Variants in ZMAT4 observed in about 807,000 individuals in gnomAD.
ZMAT4 encodes the protein zinc finger matrin-type 4.
A neutral mutation model predicts 28.7 loss-of-function variants in ZMAT4; 17 were observed. That is an observed-to-expected ratio of 0.59 (90% CI 0.41 to 0.89). The LOEUF (loss-of-function observed/expected upper bound fraction) is 0.89, where lower values mean the gene tolerates loss of function less well. ZMAT4 is among the 40% of genes least tolerant of loss of function. The pLI is 0.00. For synonymous variants in ZMAT4, 117 were observed against 109.2 expected, an observed-to-expected ratio of 1.07 and a Z score of -0.44; for missense variants, 240 against 283.8, an observed-to-expected ratio of 0.85 and a Z score of 1.11.
chr8:40,759,441 T>C (rs1394351658), intron 3 of ZMAT4, among the ~76,000 whole-genome samples: 8 of 152,198 alleles, frequency 5.3e-5, no homozygotes, highest in Non-Finnish European at 1.5e-5. Flanking sequence ...CCCTCATGAA[T>C]GGGATTAGTA....
intron 6 of ZMAT4, among the ~76,000 whole-genome samples, chr8:40,555,357 G>T (rs978669811): frequency 6.6e-6 from 1 of 152,102 alleles, no homozygotes; most frequent in South Asian, 2.1e-4. Context: ...TAGATCATAT[G>T]GTAGTTCTAT....
chr8:40,697,111 C>T (rs932360629), intron 4 of ZMAT4, 134 bp downstream of exon 4: 3 of 1,064,652 alleles, frequency 2.8e-6, no homozygotes, highest in African/African-American at 3.2e-5. Context: ...AGCCACTCAT[C>T]CCTTTAGGCT....
chr8:40,664,480 T>C (rs1485785924), intron 5 of ZMAT4, among the ~76,000 whole-genome samples: 1 of 152,194 alleles, frequency 6.6e-6, no homozygotes, highest in Non-Finnish European at 1.5e-5. Flanking sequence ...ATGCTTCCAA[T>C]ACCCCATTAT....
chr8:40,874,581 C>A (rs976749493), intron 1 of ZMAT4, among the ~76,000 whole-genome samples: 1 of 152,192 alleles, frequency 6.6e-6, no homozygotes, highest in African/African-American at 2.4e-5. Context: ...CCTTGCTTCC[C>A]CTTCTCTCTC....
intron 2 of ZMAT4, among the ~76,000 whole-genome samples, chr8:40,793,029 T>C (rs1445161749): frequency 1.3e-5 from 2 of 151,998 alleles, no homozygotes; most frequent in African/African-American, 4.8e-5. Flanking sequence ...TGGATACATA[T>C]TATGTACTTG....
chr8:40,629,713 A>C (rs1000339828), intron 5 of ZMAT4, among the ~76,000 whole-genome samples: 10 of 151,976 alleles, frequency 6.6e-5, no homozygotes, highest in Admixed American at 2.0e-4. Flanking sequence ...AGTTTCATCC[A>C]TGTCCCTACA....
At chr8:40,541,136 A>G (rs1249805236) in intron 6 of ZMAT4, among the ~76,000 whole-genome samples, 1 of 152,216 alleles carries the variant, frequency 6.6e-6, no homozygotes, top group Non-Finnish European at 1.5e-5. Context: ...CCTGGTACAT[A>G]TGGAGCAACA....
chr8:40,895,387 G>A (rs983522768), intron 1 of ZMAT4, among the ~76,000 whole-genome samples: 1 of 152,236 alleles, frequency 6.6e-6, no homozygotes, highest in African/African-American at 2.4e-5. Context: ...TCGCAGCAGA[G>A]GCGCTGGGTC....
rs1814679007 is a variant in ZMAT4, at chr8:40,798,272, C to G, written c.102+27303G>C. ...TGATCTGCACACATCTCGGAAAGAA[C>G]TTTCTGATGTTCTCTTCCTCCTCCC... On this transcript the variant is annotated intron_variant, in intron 2 of 6. Coordinates refer to ENST00000297737, the MANE Select transcript of ZMAT4 (RefSeq NM_024645.3). Among the ~76,000 whole-genome samples, 3 of 152,184 alleles carry G rather than the reference C, an allele frequency of 2.0e-5. No homozygotes were observed. The South Asian group carries it at 6.2e-4, about 32-fold the overall frequency.
intron 1 of ZMAT4, among the ~76,000 whole-genome samples, chr8:40,836,885 TTAGTGA>T (rs2150622852): frequency 6.6e-6 from 1 of 152,220 alleles, no homozygotes; most frequent in East Asian, 1.9e-4. Context: ...GTAACTGATG[TTAGTGA>T]TAGTGAGATG....
At chr8:40,723,853 C>T (rs898665728) in intron 3 of ZMAT4, among the ~76,000 whole-genome samples, 2 of 152,072 alleles carry the variant, frequency 1.3e-5, no homozygotes, top group African/African-American at 4.8e-5. Context: ...GTGTCCCCTG[C>T]CCCTGTGTGG....
At chr8:40,690,078 A>G (rs1809594382) in intron 4 of ZMAT4, among the ~76,000 whole-genome samples, 1 of 152,144 alleles carries the variant, frequency 6.6e-6, no homozygotes, top group Admixed American at 6.5e-5. Context: ...TAATCTAATC[A>G]TTGCCCCAAG....
chr8:40,778,618 C>T (rs1813700796), intron 2 of ZMAT4, among the ~76,000 whole-genome samples: 1 of 152,168 alleles, frequency 6.6e-6, no homozygotes, highest in Admixed American at 6.5e-5. Flanking sequence ...GAGTTAAGTA[C>T]TCCAAAGCAT....
chr8:40,757,299 T>G (rs903375351), intron 3 of ZMAT4, among the ~76,000 whole-genome samples: 2 of 152,108 alleles, frequency 1.3e-5, no homozygotes, highest in African/African-American at 4.8e-5. Flanking sequence ...ACAAGTAAAG[T>G]TCAATGAGTA....
At chr8:40,677,600 G>T (rs149273022) in intron 4 of ZMAT4, among the ~76,000 whole-genome samples, 1 of 152,156 alleles carries the variant, frequency 6.6e-6, no homozygotes, top group African/African-American at 2.4e-5. Flanking sequence ...CCCTTCTACA[G>T]CTTTGATTCA....
chr8:40,718,291 T>C (rs1810939351), intron 3 of ZMAT4, among the ~76,000 whole-genome samples: 1 of 152,222 alleles, frequency 6.6e-6, no homozygotes. Context: ...CCATGGAGGT[T>C]AGGCTAGCTC....
chr8:40,776,698 A>G (rs540773948), intron 2 of ZMAT4, among the ~76,000 whole-genome samples: 4 of 152,346 alleles, frequency 2.6e-5, no homozygotes, highest in Admixed American at 2.6e-4. Context: ...AGCCAATGTG[A>G]TCAGTATTAA....
intron 5 of ZMAT4, among the ~76,000 whole-genome samples, chr8:40,593,029 A>T (rs1804949108): frequency 1.3e-5 from 2 of 152,208 alleles, no homozygotes; most frequent in Admixed American, 6.5e-5. Context: ...CACATATTAA[A>T]TAACAATACA....
intron 2 of ZMAT4, among the ~76,000 whole-genome samples, chr8:40,778,524 A>T (rs543514977): frequency 2.6e-4 from 40 of 152,336 alleles, no homozygotes; most frequent in African/African-American, 9.4e-4. Context: ...ACTGTAGAAA[A>T]ATAGGTAAGC....
Sources: gnomAD v4.1 joint callset for allele counts (sites outside exome capture counted in the v4.1 genomes callset) on GRCh38, gnomAD v4.1.1 for gene constraint, MANE v1.5 for transcripts, NCBI Gene and HGNC (gene_info 2026-07-23, HGNC 2026-07-21) for gene names.